RIT2: variants seen among roughly 807,000 people sequenced by gnomAD.
RIT2 encodes the protein Ras like without CAAX 2.
A neutral mutation model predicts 23.7 loss-of-function variants in RIT2; 24 were observed. The observed-to-expected ratio is 1.01, with a 90% CI of 0.73 to 1.43. The LOEUF is 1.43. Ranked by LOEUF, RIT2 falls within the 40% of genes most tolerant of loss-of-function variation. The pLI is 0.00. For synonymous variants in RIT2, 107 were observed against 91.1 expected, an observed-to-expected ratio of 1.17 and a Z score of -0.99; for missense variants, 236 against 266.9, an observed-to-expected ratio of 0.88 and a Z score of 0.81.
chr18:43,092,773 T>C (rs1278486830), intron 1 of RIT2, among the ~76,000 whole-genome samples: 1 of 152,070 alleles, frequency 6.6e-6, no homozygotes, highest in East Asian at 1.9e-4. Context: ...GAGAGTATTA[T>C]GTAATTGCAA....
chr18:42,790,174 G>T (rs1443267650), intron 4 of RIT2, among the ~76,000 whole-genome samples: 1 of 152,032 alleles, frequency 6.6e-6, no homozygotes, highest in Non-Finnish European at 1.5e-5. Context: ...TTACAAATCC[G>T]AAATTTCATA....
At chr18:42,975,541 C>A (rs906545363) in intron 2 of RIT2, among the ~76,000 whole-genome samples, 3 of 151,980 alleles carry the variant, frequency 2.0e-5, no homozygotes, top group Non-Finnish European at 4.4e-5. Context: ...GCCTGTTACT[C>A]AAGACAGAGA....
chr18:42,999,904 G>T (rs1911065527), intron 2 of RIT2, among the ~76,000 whole-genome samples: 2 of 151,990 alleles, frequency 1.3e-5, no homozygotes, highest in South Asian at 4.1e-4. Flanking sequence ...ACTAACATTT[G>T]TAAAGAAAGA....
At chr18:43,004,450 A>G (rs1911181180) in intron 2 of RIT2, among the ~76,000 whole-genome samples, 1 of 151,922 alleles carries the variant, frequency 6.6e-6, no homozygotes, top group South Asian at 2.1e-4. Flanking sequence ...TGTTATCAAC[A>G]TTAAAAAAGT....
intron 4 of RIT2, among the ~76,000 whole-genome samples, chr18:42,903,822 A>C (rs1908542092): frequency 6.6e-6 from 1 of 152,162 alleles, no homozygotes; most frequent in Admixed American, 6.6e-5. Context: ...ATGGAAGTAT[A>C]AGCAAATCTT....
chr18:43,077,526 T>A (rs1388454756), intron 1 of RIT2, among the ~76,000 whole-genome samples: 1 of 152,210 alleles, frequency 6.6e-6, no homozygotes, highest in Non-Finnish European at 1.5e-5. Context: ...AAATCTTATC[T>A]GTTTTTATCA....
chr18:43,076,606 T>C (rs1281417221), intron 1 of RIT2, among the ~76,000 whole-genome samples: 1 of 152,096 alleles, frequency 6.6e-6, no homozygotes. Context: ...TGCAGGTCAT[T>C]GAGGGTGGGA....
At chr18:42,869,967 C>T (rs1311656339) in intron 4 of RIT2, among the ~76,000 whole-genome samples, 2 of 152,192 alleles carry the variant, frequency 1.3e-5, no homozygotes, top group African/African-American at 2.4e-5. Flanking sequence ...TTGGCCCTCA[C>T]GGGCACCCCT....
chr18:43,080,638 T>C (rs1375421664), intron 1 of RIT2, among the ~76,000 whole-genome samples: 1 of 152,224 alleles, frequency 6.6e-6, no homozygotes, highest in African/African-American at 2.4e-5. Flanking sequence ...TGACCTTAAA[T>C]AATTTTTTAT....
At chr18:42,877,858 CAT>C (rs1261947481) in intron 4 of RIT2, among the ~76,000 whole-genome samples, 1 of 151,554 alleles carries the variant, frequency 6.6e-6, no homozygotes, top group East Asian at 1.9e-4. Flanking sequence ...GGATATGAAA[CAT>C]AGATAAATTT....
At chr18:42,988,181 AGT>A (rs1171795357) in intron 2 of RIT2, among the ~76,000 whole-genome samples, 1 of 152,162 alleles carries the variant, frequency 6.6e-6, no homozygotes, top group Admixed American at 6.6e-5. Flanking sequence ...CATAATGTTG[AGT>A]GAGAGAATCG....
At chr18:42,945,511 C>T (rs1443758089) in intron 3 of RIT2, among the ~76,000 whole-genome samples, 2 of 152,000 alleles carry the variant, frequency 1.3e-5, no homozygotes, top group African/African-American at 2.4e-5. Context: ...AGAATGTGTG[C>T]GAATTTGGTA....
intron 2 of RIT2, among the ~76,000 whole-genome samples, chr18:43,025,481 G>T (rs1257133267): frequency 6.6e-6 from 1 of 151,980 alleles, no homozygotes; most frequent in East Asian, 1.9e-4. Flanking sequence ...ACCTACACCT[G>T]TATGTTTATT....
chr18:42,794,361 A>G (rs1007671613), intron 4 of RIT2, among the ~76,000 whole-genome samples: 1 of 152,224 alleles, frequency 6.6e-6, no homozygotes, highest in Non-Finnish European at 1.5e-5. Flanking sequence ...AAAGTAGGCA[A>G]TATCAACCTA....
intron 1 of RIT2, among the ~76,000 whole-genome samples, chr18:43,072,261 C>T (rs1008608527): frequency 2.0e-5 from 3 of 152,092 alleles, no homozygotes; most frequent in African/African-American, 7.2e-5. Context: ...TCTGGGATTA[C>T]AGGAGTGAGC....
At chr18:43,003,516 C>G (rs972057508) in intron 2 of RIT2, among the ~76,000 whole-genome samples, 2 of 151,798 alleles carry the variant, frequency 1.3e-5, no homozygotes, top group African/African-American at 4.8e-5. Context: ...TGTTTCCTGG[C>G]AAAAATTCAC....
intron 4 of RIT2, among the ~76,000 whole-genome samples, chr18:42,766,577 C>T (rs548470236): frequency 6.6e-5 from 10 of 152,184 alleles, no homozygotes; most frequent in South Asian, 2.1e-4. Flanking sequence ...CCTGACTATG[C>T]GATAGAAAGA....
intron 1 of RIT2, among the ~76,000 whole-genome samples, chr18:43,076,668 T>C (rs1210470067): frequency 6.6e-6 from 1 of 152,192 alleles, no homozygotes; most frequent in Non-Finnish European, 1.5e-5. Flanking sequence ...GGTCCATAGA[T>C]ATGTCTAGCA....
At chr18:42,923,351 G>C in intron 4 of RIT2, 1 of 525,284 alleles carries the variant, frequency 1.9e-6, no homozygotes, top group South Asian at 2.6e-5. Flanking sequence ...GATCCTAGGG[G>C]ATAGGGCACT....
Sources: gnomAD v4.1 joint callset for allele counts (sites outside exome capture counted in the v4.1 genomes callset) on GRCh38, gnomAD v4.1.1 for gene constraint, MANE v1.5 for transcripts, NCBI Gene and HGNC (gene_info 2026-07-23, HGNC 2026-07-21) for gene names.